Variants in NELL1 observed in about 807,000 individuals in gnomAD.
The protein encoded by NELL1 is neural EGFL like 1, also known as protein kinase C-binding protein NELL1.
Under a neutral mutation model 107.4 loss-of-function variants are expected in NELL1, and 76 were observed. The ratio of observed to expected loss-of-function variants is 0.71; its 90% CI spans 0.59 to 0.86. NELL1 has a LOEUF of 0.86. Ranked by LOEUF, NELL1 falls within the 40% of genes least tolerant of loss-of-function variation. The pLI is 0.00. For missense variants in NELL1, 1,024 were observed against 1,005.5 expected, an observed-to-expected ratio of 1.02 and a Z score of -0.25; for synonymous variants, 353 against 341.2, an observed-to-expected ratio of 1.03 and a Z score of -0.38.
At chr11:21,208,534 A>G (rs1857435718) in intron 13 of NELL1, among the ~76,000 whole-genome samples, 1 of 152,002 alleles carries the variant, frequency 6.6e-6, no homozygotes, top group Non-Finnish European at 1.5e-5. Flanking sequence ...TAGAGTTACT[A>G]GAAAGGAGGA....
At chr11:21,201,590 C>T (rs779981932) in intron 13 of NELL1, among the ~76,000 whole-genome samples, 2 of 152,240 alleles carry the variant, frequency 1.3e-5, no homozygotes, top group East Asian at 3.9e-4. Context: ...TATTTGACTT[C>T]CTCTCTTCCT....
At chr11:21,542,377 T>C (rs561293063) in intron 16 of NELL1, among the ~76,000 whole-genome samples, 4 of 151,934 alleles carry the variant, frequency 2.6e-5, no homozygotes, top group Non-Finnish European at 4.4e-5. Flanking sequence ...GTAGAGGAGA[T>C]GTTAGCCAGA....
chr11:21,147,859 A>G (rs1320662638), intron 13 of NELL1, among the ~76,000 whole-genome samples: 1 of 150,758 alleles, frequency 6.6e-6, no homozygotes, highest in Non-Finnish European at 1.5e-5. Flanking sequence ...AAAAAAAAAA[A>G]AAAAAAGAAA....
At chr11:21,432,182 A>G (rs1852984441) in intron 15 of NELL1, among the ~76,000 whole-genome samples, 1 of 152,148 alleles carries the variant, frequency 6.6e-6, no homozygotes, top group Non-Finnish European at 1.5e-5. Context: ...ATCCTAGAGA[A>G]TATAATAGCA....
chr11:20,689,400 G>A (rs2133863920), intron 2 of NELL1, among the ~76,000 whole-genome samples: 1 of 149,092 alleles, frequency 6.7e-6, no homozygotes, highest in East Asian at 2.0e-4. Flanking sequence ...TCATCATTTA[G>A]CATTAGGCAT....
chr11:21,371,182 T>A (rs969119880), intron 15 of NELL1, among the ~76,000 whole-genome samples: 1 of 152,112 alleles, frequency 6.6e-6, no homozygotes. Flanking sequence ...AGGTCAAGTA[T>A]TTTCTCTGCT....
At chr11:21,312,853 A>G (rs1411481918) in intron 14 of NELL1, among the ~76,000 whole-genome samples, 1 of 152,156 alleles carries the variant, frequency 6.6e-6, no homozygotes, top group Non-Finnish European at 1.5e-5. Context: ...ACTGCATTTA[A>G]TGAAGCCATC....
chr11:21,318,431 C>T (rs1849928237), intron 14 of NELL1, among the ~76,000 whole-genome samples: 1 of 152,256 alleles, frequency 6.6e-6, no homozygotes, highest in East Asian at 1.9e-4. Context: ...TTTCTAGGGG[C>T]TTCTCCATCT....
At chr11:21,505,453 A>C (rs1013686481) in intron 15 of NELL1, among the ~76,000 whole-genome samples, 11 of 152,100 alleles carry the variant, frequency 7.2e-5, no homozygotes, top group African/African-American at 2.7e-4. Flanking sequence ...AGGAGGACTT[A>C]AATCTTAAGT....
intron 2 of NELL1, among the ~76,000 whole-genome samples, chr11:20,741,687 C>T (rs1329245003): frequency 2.0e-5 from 3 of 152,106 alleles, no homozygotes; most frequent in Admixed American, 6.5e-5. Flanking sequence ...GTAGATGAGT[C>T]ACCCAAACCC....
chr11:21,141,694 G>A (rs11025942), intron 13 of NELL1, among the ~76,000 whole-genome samples: 25,886 of 152,088 alleles, frequency 0.17, 2,739 homozygotes, highest in Middle Eastern at 0.3. Context: ...TAGGAACGCA[G>A]AGAACAGTGG....
chr11:21,141,830 C>T (rs1288802925), intron 13 of NELL1, among the ~76,000 whole-genome samples: 4 of 151,930 alleles, frequency 2.6e-5, no homozygotes, highest in Non-Finnish European at 5.9e-5. Flanking sequence ...ATGGCATGAT[C>T]TCGGCTCACT....
intron 14 of NELL1, among the ~76,000 whole-genome samples, chr11:21,238,699 G>GT (rs1423211198): frequency 6.6e-6 from 1 of 152,036 alleles, no homozygotes; most frequent in Non-Finnish European, 1.5e-5. Context: ...TGCTGAGTGG[G>GT]TGGCAGAAGA....
At chr11:20,741,219 C>T (rs916852897) in intron 2 of NELL1, among the ~76,000 whole-genome samples, 2 of 151,908 alleles carry the variant, frequency 1.3e-5, no homozygotes, top group African/African-American at 2.4e-5. Flanking sequence ...ATTCCTGGAG[C>T]CTTCTCGCCC....
intron 12 of NELL1, among the ~76,000 whole-genome samples, chr11:21,024,511 A>G (rs1360575092): frequency 6.6e-6 from 1 of 152,116 alleles, no homozygotes; most frequent in African/African-American, 2.4e-5. Flanking sequence ...AACTTCTTCT[A>G]TCAAGCGGGA....
chr11:21,129,490 A>G (rs1216073592), intron 13 of NELL1, among the ~76,000 whole-genome samples: 1 of 152,242 alleles, frequency 6.6e-6, no homozygotes, highest in East Asian at 1.9e-4. Flanking sequence ...TTGACAATAA[A>G]GTGTGGAAGT....
rs536923306 is a variant in NELL1 at position 20,881,227 on chromosome 11, G to T, written c.507-4217G>T. 4.6e-5 allele frequency among the ~76,000 whole-genome samples: 7 copies of T among 152,306 alleles called. No individual in the cohort carries two copies. In the South Asian group the frequency reaches 1.5e-3, roughly 32 times the overall value. On this transcript the variant is annotated intron_variant, in intron 4 of 19. Coordinates refer to ENST00000357134, the MANE Select transcript of NELL1 (RefSeq NM_006157.5). ...AATAAAGAACCTGTCTGTGACAGCA[G>T]GACATCCCAGGATATATTAATCATG...
intron 14 of NELL1, among the ~76,000 whole-genome samples, chr11:21,256,483 C>T (rs1279126707): frequency 6.6e-6 from 1 of 151,990 alleles, no homozygotes; most frequent in African/African-American, 2.4e-5. Flanking sequence ...TTTTCTTTGG[C>T]CTCACGTCAT....
chr11:21,056,840 G>A (rs150751050), intron 12 of NELL1, among the ~76,000 whole-genome samples: 199 of 152,162 alleles, frequency 1.3e-3, no homozygotes, highest in African/African-American at 4.6e-3. Flanking sequence ...GGAAACTGAA[G>A]CTCTGGGATC....
Sources: allele counts gnomAD v4.1 joint callset (sites outside exome capture counted in the v4.1 genomes callset), GRCh38; gene constraint gnomAD v4.1.1; transcripts MANE v1.5; gene names NCBI Gene and HGNC (gene_info 2026-07-23, HGNC 2026-07-21).